Variants in TRIM55 observed in about 807,000 individuals in gnomAD.
TRIM55 encodes the protein tripartite motif containing 55, also known as tripartite motif-containing protein 55.
Under a neutral mutation model 60.9 loss-of-function variants are expected in TRIM55, and 50 were observed. The observed-to-expected ratio is 0.82, with a 90% CI of 0.65 to 1.04. TRIM55 has a LOEUF of 1.04. Ranked by LOEUF, TRIM55 falls within the 50% of genes least tolerant of loss-of-function variation. The pLI, the probability that TRIM55 is intolerant of heterozygous loss-of-function variation, is 0.00. For synonymous variants in TRIM55, 237 were observed against 238.1 expected, an observed-to-expected ratio of 1.00 and a Z score of 0.04; for missense variants, 681 against 666.9, an observed-to-expected ratio of 1.02 and a Z score of -0.23.
chr8:66,127,725 C>G (rs1206004381), intron 1 of TRIM55, among the ~76,000 whole-genome samples: 37 of 151,942 alleles, frequency 2.4e-4, no homozygotes, highest in Admixed American at 2.3e-3. Context: ...ATCTCAGGTA[C>G]TTGGGAGGCT....
At chr8:66,134,747 C>T (rs13282248) in intron 2 of TRIM55, among the ~76,000 whole-genome samples, 15,068 of 152,082 alleles carry the variant, frequency 0.099, 1,166 homozygotes, top group East Asian at 0.3. Flanking sequence ...AGGATCTCCA[C>T]GTCTCTGTCC....
upstream of TRIM55, among the ~76,000 whole-genome samples, chr8:66,126,082 A>G (rs544348279): frequency 6.6e-6 from 1 of 152,366 alleles, no homozygotes; most frequent in African/African-American, 2.4e-5. Flanking sequence ...AGAAATGACC[A>G]GAGAAACTAT....
intron 9 of TRIM55, among the ~76,000 whole-genome samples, chr8:66,159,548 A>G (rs1810931186): frequency 6.6e-6 from 1 of 152,198 alleles, no homozygotes. Context: ...CTCTTGAGTA[A>G]ATGAAGGAGT....
chr8:66,151,016 G>A (rs1444364501), intron 7 of TRIM55, among the ~76,000 whole-genome samples: 1 of 152,158 alleles, frequency 6.6e-6, no homozygotes, highest in East Asian at 1.9e-4. Flanking sequence ...ATAAGCAAAT[G>A]CTTCATAATT....
At chr8:66,137,018 AC>A (rs1164940944) in intron 3 of TRIM55, 76 bp from the exon 4 acceptor site, 1 of 1,239,654 alleles carries the variant, frequency 8.1e-7, no homozygotes, top group East Asian at 2.5e-5. Context: ...ACCTGTAAAG[AC>A]AATATTATGA....
rs140356145 is a variant in TRIM55, at chr8:66,152,570, T to G, written c.1179T>G (p.Val393=). 1.4e-5 allele frequency: 23 copies of G among 1,613,996 alleles called. No homozygotes were observed. In the African/African-American group the frequency reaches 2.1e-4, roughly 15 times the overall value. The part of the protein sequence containing the change: ...ELQAAPGALP[V]SSPEPPPALP... ...AGGCTGCCCCTGGGGCACTTCCAGT[T>G]TCCTCTCCAGAGCCACCTCCAGCCC... Residue 393 remains valine, a synonymous_variant, in exon 8 of 10, where the codon GTT becomes GTG. Transcript: ENST00000315962.
chr8:66,149,619 C>T (rs1366516483), intron 4 of TRIM55, 26 bp from the exon 5 acceptor site: 8 of 1,557,032 alleles, frequency 5.1e-6, no homozygotes, highest in Non-Finnish European at 7.1e-6. Context: ...CAAATACTTT[C>T]TAACATTAGC....
intron 9 of TRIM55, among the ~76,000 whole-genome samples, chr8:66,173,251 T>C (rs1157663919): frequency 6.6e-6 from 1 of 152,200 alleles, no homozygotes; most frequent in Non-Finnish European, 1.5e-5. Flanking sequence ...TTTAACTTTC[T>C]ATCAGGAAGC....
At chr8:66,147,298 T>C (rs1188051503) in intron 4 of TRIM55, among the ~76,000 whole-genome samples, 2 of 152,226 alleles carry the variant, frequency 1.3e-5, no homozygotes, top group Non-Finnish European at 2.9e-5. Context: ...TTAAAATAGT[T>C]GGCACCACTG....
the TRIM55 span, among the ~76,000 whole-genome samples, chr8:66,119,236 A>G: frequency 6.6e-6 from 1 of 152,174 alleles, no homozygotes; most frequent in Non-Finnish European, 1.5e-5. Context: ...AGAAAGCAAG[A>G]ATACTTCCTT....
chr8:66,135,651 T>G (rs183252120), intron 3 of TRIM55, among the ~76,000 whole-genome samples: 35 of 152,312 alleles, frequency 2.3e-4, no homozygotes, highest in African/African-American at 7.0e-4. Flanking sequence ...ACTGATGACA[T>G]GCAGTTACAG....
At chr8:66,143,992 A>G (rs1809967135) in intron 4 of TRIM55, among the ~76,000 whole-genome samples, 1 of 152,204 alleles carries the variant, frequency 6.6e-6, no homozygotes, top group Non-Finnish European at 1.5e-5. Context: ...TTCTCTTTTA[A>G]TGTAAGGTCA....
the TRIM55 span, among the ~76,000 whole-genome samples, chr8:66,116,160 A>G: frequency 6.6e-6 from 1 of 151,964 alleles, no homozygotes; most frequent in Non-Finnish European, 1.5e-5. Context: ...TGATGGTTAG[A>G]TATATTATGG....
At chr8:66,173,791 A>G (rs911887054) in intron 9 of TRIM55, among the ~76,000 whole-genome samples, 3 of 152,220 alleles carry the variant, frequency 2.0e-5, no homozygotes, top group South Asian at 2.1e-4. Flanking sequence ...AGATTAATCA[A>G]TAAATTCAGA....
intron 2 of TRIM55, among the ~76,000 whole-genome samples, chr8:66,131,668 G>A (rs1264529658): frequency 1.3e-5 from 2 of 152,140 alleles, no homozygotes; most frequent in Non-Finnish European, 1.5e-5. Flanking sequence ...CCTCTTTTCA[G>A]CCTCTCCCAG....
chr8:66,171,713 A>G (rs1007386658), intron 9 of TRIM55, among the ~76,000 whole-genome samples: 1 of 152,206 alleles, frequency 6.6e-6, no homozygotes, highest in Non-Finnish European at 1.5e-5. Context: ...GAACACATAT[A>G]CACAACTCCA....
intron 9 of TRIM55, among the ~76,000 whole-genome samples, chr8:66,158,784 T>TA (rs919167706): frequency 4.6e-5 from 7 of 152,234 alleles, no homozygotes; most frequent in Non-Finnish European, 7.3e-5. Flanking sequence ...AGCTCTTACA[T>TA]AAATCCCAAT....
upstream of TRIM55, among the ~76,000 whole-genome samples, chr8:66,126,605 A>G (rs1057441887): frequency 3.9e-5 from 6 of 152,236 alleles, no homozygotes; most frequent in South Asian, 8.3e-4. Flanking sequence ...TTTTTCAAAG[A>G]CCACAACCCC....
At position 66,152,490 on chromosome 8, in the gene TRIM55, C is replaced by T; in HGVS notation, c.1099C>T (p.Pro367Ser). The T allele has an allele frequency of 6.2e-7, 1 of 1,614,122 alleles. No individual in the cohort carries two copies. Among genetic ancestry groups the T allele is most frequent in the Non-Finnish European group, 8.5e-7 (1 of 1,180,020 alleles). ...EEVENVQTEF[P>S]GEDENPEKAS... ...GGTAGAAAATGTTCAAACAGAGTTT[C>T]CAGGAGAAGATGAAAACCCAGAAAA... The change falls in exon 8 of 10, where the codon CCA becomes TCA. Residue 367 changes from proline (P) to serine (S), a missense_variant. Transcript: ENST00000315962.
Sources: allele counts gnomAD v4.1 joint callset (sites outside exome capture counted in the v4.1 genomes callset), GRCh38; gene constraint gnomAD v4.1.1; transcripts MANE v1.5; gene names NCBI Gene and HGNC (gene_info 2026-07-23, HGNC 2026-07-21).